RSF1: variants seen among roughly 807,000 people sequenced by gnomAD.
RSF1 encodes the protein remodeling and spacing factor 1.
Under a neutral mutation model 145.2 loss-of-function variants are expected in RSF1, and 13 were observed. The ratio of observed to expected loss-of-function variants is 0.09; its 90% CI spans 0.06 to 0.14. The LOEUF is 0.14. Ranked by LOEUF, RSF1 falls within the 10% of genes least tolerant of loss-of-function variation. The pLI is 1.00. For synonymous variants in RSF1, 577 were observed against 592.6 expected (o/e 0.97, Z 0.38); for missense variants, 1,517 against 1,718.2 (o/e 0.88, Z 2.07).
At chr11:77,770,454 C>CA (rs1414443882) in intron 1 of RSF1, among the ~76,000 whole-genome samples, 1 of 152,084 alleles carries the variant, frequency 6.6e-6, no homozygotes, top group Non-Finnish European at 1.5e-5. Context: ...GACTCCGTCT[C>CA]AAAAAACAAA....
At chr11:77,694,726 C>T (rs1960240467) in intron 7 of RSF1, among the ~76,000 whole-genome samples, 1 of 152,112 alleles carries the variant, frequency 6.6e-6, no homozygotes, top group African/African-American at 2.4e-5. Context: ...CAAGTTTTTC[C>T]ACTGATGTCC....
the RSF1 span, among the ~76,000 whole-genome samples, chr11:77,860,195 C>T: frequency 1.3e-5 from 2 of 152,326 alleles, no homozygotes; most frequent in African/African-American, 4.8e-5. Flanking sequence ...TTAGGGCCTT[C>T]TTTAGGGCCT....
In RSF1 at chr11:77,770,617, T is replaced by C. The variant is rs753540539; in HGVS notation, c.188-5928A>G. On this transcript the variant is annotated intron_variant, in intron 1 of 15. Coordinates refer to ENST00000308488, the MANE Select transcript of RSF1 (RefSeq NM_016578.4). ...TTCCAATTTAGTTTTCTGAGTTCCA[T>C]TGAGAATCATACTGTTGTTCCCACA... is the stretch of plus-strand genomic sequence containing the variant. Among the ~76,000 whole-genome samples, 9 of 152,228 alleles carry C rather than the reference T, an allele frequency of 5.9e-5. 1 individual carries two copies. Among genetic ancestry groups the C allele is most frequent in the East Asian group, 1.9e-4 (1 of 5,204 alleles).
At chr11:77,690,148 C>T (rs192397573) in intron 9 of RSF1, among the ~76,000 whole-genome samples, 192 of 137,098 alleles carry the variant, frequency 1.4e-3, no homozygotes, top group African/African-American at 4.9e-3. Context: ...GGCAACAGAG[C>T]GAGACTCCAT....
chr11:77,839,326 G>T, the RSF1 span, among the ~76,000 whole-genome samples: 1 of 151,992 alleles, frequency 6.6e-6, no homozygotes, highest in Non-Finnish European at 1.5e-5. Context: ...GTTTGTTTTT[G>T]TAGAAACCAG....
At chr11:77,694,877 G>A (rs1960244078) in intron 7 of RSF1, among the ~76,000 whole-genome samples, 1 of 152,056 alleles carries the variant, frequency 6.6e-6, no homozygotes, top group Non-Finnish European at 1.5e-5. Flanking sequence ...AGATATTTTT[G>A]GTAGACTGTC....
the RSF1 span, among the ~76,000 whole-genome samples, chr11:77,849,150 C>T: frequency 6.6e-6 from 1 of 151,954 alleles, no homozygotes; most frequent in Non-Finnish European, 1.5e-5. Context: ...GTTCCTCCCA[C>T]CTCAACCTCC....
chr11:77,728,179 C>T (rs565524868), intron 4 of RSF1, among the ~76,000 whole-genome samples: 13 of 152,128 alleles, frequency 8.5e-5, no homozygotes, highest in Non-Finnish European at 1.8e-4. Flanking sequence ...CTTAGGATAT[C>T]GGGTGACTGA....
In RSF1 at chr11:77,675,218, T is replaced by C; in HGVS notation, c.3380A>G (p.Asp1127Gly). Residue 1127 changes from aspartate (D) to glycine (G), a missense_variant, in exon 14 of 16, where the codon GAT (aspartate) becomes GGT (glycine). Asp to Gly is a moderately conservative substitution (Grantham distance 94, BLOSUM62 -1). Coordinates refer to ENST00000308488, the MANE Select transcript of RSF1 (RefSeq NM_016578.4). ...DEFVVSDENP[D>G]ESEEDPPSND... ...AGATGGCGGATCTTCTTCACTTTCA[T>C]CTGGGTTTTCATCAGACACAACAAA... The C allele has an allele frequency of 1.2e-6, 2 of 1,613,996 alleles. No homozygotes were observed. Among genetic ancestry groups the C allele is most frequent in the Middle Eastern group, 1.7e-4 (1 of 6,060 alleles).
At chr11:77,830,470 C>T in the RSF1 span, among the ~76,000 whole-genome samples, 2,857 of 149,530 alleles carry the variant, frequency 0.019, 83 homozygotes, top group African/African-American at 0.066. Flanking sequence ...AAACTGCTGA[C>T]GACACCCACC....
chr11:77,744,954 T>C (rs1947983819), intron 3 of RSF1, among the ~76,000 whole-genome samples: 8 of 152,238 alleles, frequency 5.3e-5, no homozygotes, highest in Admixed American at 5.2e-4. Flanking sequence ...ATGGGACATT[T>C]TTTACTACTG....
intron 1 of RSF1, among the ~76,000 whole-genome samples, chr11:77,809,345 T>C (rs562501140): frequency 2.2e-4 from 33 of 152,338 alleles, no homozygotes; most frequent in Admixed American, 2.0e-3. Context: ...TGGTAAAGCA[T>C]GCATACTACA....
rs146625014 is a variant in RSF1, at chr11:77,667,184, A to G, written c.4059T>C (p.Asn1353=). The G allele has an allele frequency of 1.7e-5, 28 of 1,614,070 alleles. No homozygotes were observed. The African/African-American group carries it at 3.5e-4, about 20-fold the overall frequency. Residue 1353 remains asparagine, a synonymous_variant, in exon 16 of 16, where the codon AAT becomes AAC. Transcript: ENST00000308488. ...IESDEEEDFE[N]VGKVGSPLDY... Reference sequence around the variant, plus strand: ...CCAATGGGCTCCCCACTTTGCCTACATTTTCAAAGTCCTCTTCCTCATCAC... The same window carrying G: ...CCAATGGGCTCCCCACTTTGCCTACGTTTTCAAAGTCCTCTTCCTCATCAC...
intron 7 of RSF1, among the ~76,000 whole-genome samples, chr11:77,697,811 A>G (rs537843100): frequency 1.3e-4 from 20 of 152,076 alleles, no homozygotes; most frequent in African/African-American, 4.8e-4. Context: ...TAACTAGGGT[A>G]TCCATCACCT....
chr11:77,692,230 T>A (rs982065698), intron 8 of RSF1, among the ~76,000 whole-genome samples: 7 of 107,448 alleles, frequency 6.5e-5, no homozygotes, highest in Admixed American at 1.1e-4. Context: ...TTACTACTTT[T>A]AAATTTTTTT....
chr11:77,796,504 A>T (rs186584835), intron 1 of RSF1, among the ~76,000 whole-genome samples: 2 of 152,222 alleles, frequency 1.3e-5, no homozygotes, highest in African/African-American at 4.8e-5. Context: ...ATCGATGGAA[A>T]CATATCTCAA....
intron 1 of RSF1, among the ~76,000 whole-genome samples, chr11:77,791,706 A>T (rs1948519206): frequency 6.6e-6 from 1 of 152,202 alleles, no homozygotes; most frequent in Non-Finnish European, 1.5e-5. Context: ...AAATGTCGCC[A>T]GTCTCTTTGC....
chr11:77,858,678 C>T, the RSF1 span, among the ~76,000 whole-genome samples: 18 of 152,066 alleles, frequency 1.2e-4, no homozygotes, highest in Non-Finnish European at 2.5e-4. Flanking sequence ...GGCCGATGAC[C>T]GCTCTAACTG....
chr11:77,738,086 G>A (rs369488414), intron 4 of RSF1, among the ~76,000 whole-genome samples: 20 of 152,300 alleles, frequency 1.3e-4, no homozygotes, highest in African/African-American at 4.1e-4. Context: ...CCAAGATCGC[G>A]CCACTGCACT....
Sources: allele counts gnomAD v4.1 joint callset (sites outside exome capture counted in the v4.1 genomes callset), GRCh38; gene constraint gnomAD v4.1.1; transcripts MANE v1.5; gene names NCBI Gene and HGNC (gene_info 2026-07-23, HGNC 2026-07-21).